TTLL11: variants seen among roughly 807,000 people sequenced by gnomAD.
TTLL11 encodes the protein tubulin polyglutamylase TTLL11.
TTLL11 carries 42 observed loss-of-function variants against 51.7 expected under a neutral mutation model. That is an observed-to-expected ratio of 0.81 (90% CI 0.64 to 1.05). The LOEUF (loss-of-function observed/expected upper bound fraction) is 1.05. Among genes scored for constraint, TTLL11 ranks in the 50% least tolerant of loss-of-function variants. The pLI is 0.00. For missense variants in TTLL11, 799 were observed against 940.4 expected (o/e 0.85, Z 1.97); for synonymous variants, 381 against 383.5 (o/e 0.99, Z 0.08).
At chr9:121,938,818 T>C (rs1841335522) in intron 6 of TTLL11, among the ~76,000 whole-genome samples, 1 of 152,200 alleles carries the variant, frequency 6.6e-6, no homozygotes, top group Admixed American at 6.5e-5. Context: ...GCAAGAAAGT[T>C]GGCAATGGAA....
chr9:122,031,694 A>T, intron 3 of TTLL11, 29 bp downstream of exon 3: 1 of 1,609,152 alleles, frequency 6.2e-7, no homozygotes, highest in Non-Finnish European at 8.5e-7. Flanking sequence ...AATATAATTC[A>T]GGGGTCATGG....
chr9:121,993,400 G>A (rs942581796), intron 3 of TTLL11, among the ~76,000 whole-genome samples: 1 of 152,148 alleles, frequency 6.6e-6, no homozygotes, highest in East Asian at 1.9e-4. Context: ...AGAAAATCTG[G>A]ATTTTAGTCC....
intron 8 of TTLL11, among the ~76,000 whole-genome samples, chr9:121,839,913 G>C (rs988954587): frequency 2.0e-5 from 3 of 152,204 alleles, no homozygotes; most frequent in African/African-American, 7.2e-5. Flanking sequence ...TTGGAGCGGT[G>C]ACAGGAGGCA....
chr9:121,920,830 T>G (rs546041092), intron 6 of TTLL11, among the ~76,000 whole-genome samples: 1 of 152,336 alleles, frequency 6.6e-6, no homozygotes, highest in East Asian at 1.9e-4. Context: ...CAGCCTCCCT[T>G]GCAGGGAAGG....
chr9:121,985,959 C>A (rs760138561), intron 4 of TTLL11, among the ~76,000 whole-genome samples: 2 of 152,178 alleles, frequency 1.3e-5, no homozygotes, highest in African/African-American at 2.4e-5. Context: ...GGGAAGTGAG[C>A]GTAGGTGATT....
intron 6 of TTLL11, among the ~76,000 whole-genome samples, chr9:121,908,885 G>A (rs1195003183): frequency 5.9e-5 from 9 of 152,168 alleles, no homozygotes; most frequent in Admixed American, 5.9e-4. Flanking sequence ...GATTACATCT[G>A]TAAATACCCT....
chr9:121,936,924 G>C (rs557896068), intron 6 of TTLL11, among the ~76,000 whole-genome samples: 20 of 152,232 alleles, frequency 1.3e-4, no homozygotes, highest in Admixed American at 2.6e-4. Context: ...TGCTCCCTCC[G>C]TATGAGACAT....
intron 1 of TTLL11, among the ~76,000 whole-genome samples, chr9:122,056,442 G>A (rs1845293057): frequency 6.6e-6 from 1 of 152,020 alleles, no homozygotes; most frequent in South Asian, 2.1e-4. Flanking sequence ...CTTTACCTAA[G>A]TGAAAAACCT....
chr9:121,843,815 G>C (rs1259878316), intron 8 of TTLL11, among the ~76,000 whole-genome samples: 8 of 152,078 alleles, frequency 5.3e-5, no homozygotes, highest in African/African-American at 1.9e-4. Flanking sequence ...TGGGACTACA[G>C]GCGTGTGACA....
At chr9:122,052,767 C>T (rs1845196142) in intron 1 of TTLL11, among the ~76,000 whole-genome samples, 1 of 152,160 alleles carries the variant, frequency 6.6e-6, no homozygotes, top group South Asian at 2.1e-4. Flanking sequence ...GGCACGTAAC[C>T]TCTGGAGAAA....
At chr9:121,881,071 G>C (rs1447092242) in intron 6 of TTLL11, among the ~76,000 whole-genome samples, 1 of 152,222 alleles carries the variant, frequency 6.6e-6, no homozygotes, top group East Asian at 1.9e-4. Flanking sequence ...AACAGCAAGA[G>C]ACTGTCTATA....
chr9:121,969,282 A>G (rs1842494313), intron 6 of TTLL11, among the ~76,000 whole-genome samples: 1 of 152,140 alleles, frequency 6.6e-6, no homozygotes, highest in East Asian at 1.9e-4. Flanking sequence ...CAGAGTCAGG[A>G]TTGGAATCTC....
intron 6 of TTLL11, among the ~76,000 whole-genome samples, chr9:121,919,860 A>AG (rs1375134934): frequency 1.3e-5 from 2 of 151,864 alleles, no homozygotes; most frequent in Non-Finnish European, 2.9e-5. Flanking sequence ...AAAAAAAAAA[A>AG]AAAAAAAAAA....
intron 8 of TTLL11, among the ~76,000 whole-genome samples, chr9:121,843,337 C>A (rs910547855): frequency 3.3e-5 from 5 of 152,202 alleles, no homozygotes; most frequent in African/African-American, 1.2e-4. Context: ...TAGAGAATCA[C>A]AGCTGAGTTC....
At chr9:121,882,036 T>G (rs1343609518) in intron 6 of TTLL11, among the ~76,000 whole-genome samples, 1 of 152,198 alleles carries the variant, frequency 6.6e-6, no homozygotes, top group Non-Finnish European at 1.5e-5. Flanking sequence ...GTCGCAGCAT[T>G]GTTGTGAGAA....
intron 3 of TTLL11, among the ~76,000 whole-genome samples, chr9:121,997,743 T>C (rs898950132): frequency 1.3e-5 from 2 of 152,174 alleles, no homozygotes; most frequent in African/African-American, 2.4e-5. Context: ...TCCTAAGTGA[T>C]CAGATTCCCA....
intron 3 of TTLL11, among the ~76,000 whole-genome samples, chr9:121,990,848 C>T (rs1843090321): frequency 6.6e-6 from 1 of 152,188 alleles, no homozygotes; most frequent in Non-Finnish European, 1.5e-5. Flanking sequence ...AATTAACTAT[C>T]CAGGCACTTG....
chr9:122,002,540 A>G (rs1238151684), intron 3 of TTLL11, among the ~76,000 whole-genome samples: 1 of 152,208 alleles, frequency 6.6e-6, no homozygotes, highest in African/African-American at 2.4e-5. Context: ...TTGTGTTTAC[A>G]GGATACTCTC....
intron 3 of TTLL11, among the ~76,000 whole-genome samples, chr9:122,010,677 A>T (rs1037662647): frequency 7.9e-5 from 12 of 152,244 alleles, no homozygotes; most frequent in African/African-American, 2.7e-4. Context: ...TGACAAATGT[A>T]TCCAATCGAA....
Sources: allele counts gnomAD v4.1 joint callset (sites outside exome capture counted in the v4.1 genomes callset), GRCh38; gene constraint gnomAD v4.1.1; transcripts MANE v1.5; gene names NCBI Gene and HGNC (gene_info 2026-07-23, HGNC 2026-07-21).